Variants in MAP2K5 observed in about 807,000 individuals in gnomAD.
MAP2K5 encodes the protein mitogen-activated protein kinase kinase 5.
Under a neutral mutation model 83.1 loss-of-function variants are expected in MAP2K5, and 49 were observed. The ratio of observed to expected loss-of-function variants is 0.59; its 90% CI spans 0.47 to 0.75. The LOEUF (loss-of-function observed/expected upper bound fraction) is 0.75. MAP2K5 is among the 30% of genes least tolerant of loss of function. MAP2K5 has a pLI of 0.00. For missense variants in MAP2K5, 457 were observed against 557.5 expected (o/e 0.82, Z 1.82); for synonymous variants, 202 against 191.8 (o/e 1.05, Z -0.44).
chr15:67,610,108 A>T (rs28489575), intron 8 of MAP2K5, among the ~76,000 whole-genome samples: 3 of 152,208 alleles, frequency 2.0e-5, no homozygotes, highest in Non-Finnish European at 4.4e-5. Context: ...TCCCAAGCCA[A>T]GGTTTTTCTG....
intron 17 of MAP2K5, among the ~76,000 whole-genome samples, chr15:67,730,331 A>C (rs2089193223): frequency 6.6e-6 from 1 of 152,204 alleles, no homozygotes; most frequent in East Asian, 1.9e-4. Flanking sequence ...TGTCATTTGA[A>C]CTCCTACCAC....
chr15:67,593,923 C>T (rs1361600312), intron 7 of MAP2K5, among the ~76,000 whole-genome samples: 1 of 152,244 alleles, frequency 6.6e-6, no homozygotes, highest in East Asian at 1.9e-4. Flanking sequence ...GTCAAGAAGA[C>T]AAAGCCAGGT....
rs1200845905 is a variant in MAP2K5 at position 67,769,970 on chromosome 15, A to G, written c.1196+307A>G. The G allele has an allele frequency of 8.0e-6, 2 of 250,956 alleles. No homozygotes were observed. Among genetic ancestry groups the G allele is most frequent in the African/African-American group, 4.5e-5 (2 of 44,234 alleles). The allele number at this position is 250,956 out of a possible 1,614,324, so 15.5% of individuals were successfully genotyped here. On this transcript the variant is annotated intron_variant, in intron 20 of 21. Transcript: ENST00000178640. This position sits in a 1 kb window ranked among gnomAD's most constrained non-coding sequence, Gnocchi z 5.2. ...TTTAAAAAAAGAAATACACAATTTT[A>G]TAGCCCCTACTGAACGGACGTACGA...
chr15:67,773,934 T>C (rs1026572674), intron 21 of MAP2K5, among the ~76,000 whole-genome samples: 2 of 152,208 alleles, frequency 1.3e-5, no homozygotes, highest in Non-Finnish European at 2.9e-5. Flanking sequence ...ATAGCTCAGC[T>C]GTTAAAACAA....
rs2089855621 is a variant in MAP2K5, at chr15:67,757,149, T to TA, written c.1134+8548_1134+8549insA. 6.6e-6 allele frequency among the ~76,000 whole-genome samples: 1 copy of TA among 152,160 alleles called. No individual in the cohort carries two copies. Among genetic ancestry groups the TA allele is most frequent in the Admixed American group, 6.5e-5 (1 of 15,278 alleles). On this transcript the variant is annotated intron_variant, in intron 19 of 21. Coordinates refer to ENST00000178640, the MANE Select transcript of MAP2K5 (RefSeq NM_145160.3). This position sits in a 1 kb window ranked among gnomAD's most constrained non-coding sequence, Gnocchi z 4.9. ...TGTTTTCCATAATGGCTATACCAAT[T>TA]TACATTCCCATGAACAGTGTATAAG...
intron 2 of MAP2K5, 106 bp downstream of exon 2, chr15:67,550,188 G>A (rs6494670): frequency 0.11 from 87,886 of 791,128 alleles, 6,196 homozygotes; most frequent in African/African-American, 0.26. Flanking sequence ...GATTATTTAT[G>A]ACCATCATAT....
intron 16 of MAP2K5, among the ~76,000 whole-genome samples, chr15:67,727,034 A>G (rs1451765879): frequency 6.6e-6 from 1 of 152,056 alleles, no homozygotes; most frequent in Non-Finnish European, 1.5e-5. Context: ...CCCCATCTCT[A>G]CTAAAAATAC....
intron 13 of MAP2K5, among the ~76,000 whole-genome samples, chr15:67,682,470 G>A (rs1006153610): frequency 6.6e-5 from 10 of 151,688 alleles, no homozygotes; most frequent in African/African-American, 1.4e-4. Context: ...TGTTTCACCC[G>A]CCTTGGCCTC....
chr15:67,667,510 G>A (rs1231080652), intron 13 of MAP2K5, among the ~76,000 whole-genome samples: 19 of 152,122 alleles, frequency 1.2e-4, no homozygotes. Context: ...CCTGGTTTAG[G>A]CATTGTGAGA....
chr15:67,694,557 A>G (rs112378066), intron 15 of MAP2K5, among the ~76,000 whole-genome samples: 21,124 of 152,066 alleles, frequency 0.14, 1,565 homozygotes, highest in East Asian at 0.22. Flanking sequence ...AACCACAATG[A>G]GATACCATCT....
chr15:67,543,399 A>G lies in MAP2K5; in HGVS notation c.64A>G (p.Lys22Glu). 4 of 1,614,098 alleles carry G rather than the reference A, an allele frequency of 2.5e-6. No individual in the cohort carries two copies. The highest frequency in any genetic ancestry group is 3.4e-6 in the Non-Finnish European group (4 of 1,180,032). The change falls in exon 1 of 22, where the codon AAG becomes GAG. Residue 22 changes from lysine (K) to glutamate (E), a missense_variant. Physicochemically the swap from Lys to Glu is moderately conservative, Grantham distance 56 (BLOSUM62 1). Around this residue, in one of 3 missense-constraint regions of MAP2K5, gnomAD observed 234 missense variants for 243.6 expected, o/e 0.96. Coordinates refer to ENST00000178640, the MANE Select transcript of MAP2K5 (RefSeq NM_145160.3). The surrounding 1 kb of genome is among the most constrained non-coding windows in gnomAD (Gnocchi z 4.3). The part of the protein sequence containing the change: ...MENQVLVIRI[K>E]IPNSGAVDWT... ...GAACCAGGTGCTGGTAATTCGCATCAAGATCCCAAATAGTGGCGCGGTGGA... is the reference window on the plus strand; with the variant it reads ...GAACCAGGTGCTGGTAATTCGCATCGAGATCCCAAATAGTGGCGCGGTGGA...
At position 67,561,091 on chromosome 15, in the gene MAP2K5, T is replaced by TA. The variant is rs1457626406; in HGVS notation, c.185-2185dup. 1.2e-4 allele frequency among the ~76,000 whole-genome samples: 19 copies of TA among 152,182 alleles called. No homozygotes were observed. The highest frequency in any genetic ancestry group is 2.2e-4 in the Non-Finnish European group (15 of 68,026). Reference sequence around the variant, plus strand: ...TTAGTTGCAGAAATGAGATTTATTTTAAAAAAACTACTTTATTCAGGCTGG... The same window carrying TA: ...TTAGTTGCAGAAATGAGATTTATTTTAAAAAAAACTACTTTATTCAGGCTGG... On this transcript the variant is annotated intron_variant, in intron 2 of 21. Transcript: ENST00000178640. The surrounding 1 kb of genome is among the most constrained non-coding windows in gnomAD (Gnocchi z 4.2).
At chr15:67,787,317 G>T (rs7166260) in intron 21 of MAP2K5, among the ~76,000 whole-genome samples, 29 of 152,332 alleles carry the variant, frequency 1.9e-4, no homozygotes, top group African/African-American at 6.3e-4. Flanking sequence ...CATGTCACTT[G>T]TCTCTCTTTC....
chr15:67,765,062 A>C lies in MAP2K5; in HGVS notation c.1135-4540A>C, dbSNP rs565822011. On this transcript the variant is annotated intron_variant, in intron 19 of 21. Transcript: ENST00000178640. ...GTTTCCCTCAACAGTAATATCTCGT[A>C]AGTATAGTACAGTATTGGCTGGGTG... 3.9e-5 allele frequency among the ~76,000 whole-genome samples: 6 copies of C among 152,236 alleles called. No homozygotes were observed. In the East Asian group the frequency reaches 1.2e-3, roughly 29 times the overall value.
In MAP2K5 at chr15:67,693,577, A is replaced by G; in HGVS notation, c.972+9A>G. 6.2e-7 allele frequency: 1 copy of G among 1,604,922 alleles called. No individual in the cohort carries two copies. On this transcript the variant is annotated intron_variant, in intron 15 of 21. Transcript: ENST00000178640. ...CAAATGCTTATATGGCGGTAAGTAA[A>G]CTTATGCAAAAATAATGTTTAAAAC...
At chr15:67,689,247 C>G (rs1478628781) in intron 13 of MAP2K5, among the ~76,000 whole-genome samples, 1 of 152,160 alleles carries the variant, frequency 6.6e-6, no homozygotes, top group Non-Finnish European at 1.5e-5. Flanking sequence ...TGCATACATA[C>G]ATTACATACA....
At chr15:67,630,243 G>C (rs997609149) in intron 8 of MAP2K5, among the ~76,000 whole-genome samples, 5 of 152,138 alleles carry the variant, frequency 3.3e-5, no homozygotes, top group East Asian at 1.9e-4. Context: ...GAATCAGTCA[G>C]TCACTCAATC....
At chr15:67,672,784 T>G (rs2087575542) in intron 13 of MAP2K5, among the ~76,000 whole-genome samples, 1 of 143,642 alleles carries the variant, frequency 7.0e-6, no homozygotes, top group African/African-American at 2.6e-5. Flanking sequence ...CTAGGGTTTT[T>G]ATGGTTTTAA....
intron 19 of MAP2K5, among the ~76,000 whole-genome samples, chr15:67,759,958 A>G (rs754948387): frequency 6.6e-6 from 1 of 152,248 alleles, no homozygotes; most frequent in South Asian, 2.1e-4. Context: ...GATATTGTCA[A>G]CTAGACCTGT....
Sources: allele counts gnomAD v4.1 joint callset (sites outside exome capture counted in the v4.1 genomes callset), GRCh38; gene constraint gnomAD v4.1.1; regional missense constraint gnomAD v4.1.1; non-coding constraint Gnocchi (gnomAD v3.1); transcripts MANE v1.5; gene names NCBI Gene and HGNC (gene_info 2026-07-23, HGNC 2026-07-21).